The following RIMBP2 variants were observed in gnomAD, a reference collection of about 807,000 sequenced individuals.
RIMBP2 encodes the protein RIMS binding protein 2, also known as RIMS-binding protein 2.
Under a neutral mutation model 118.6 loss-of-function variants are expected in RIMBP2, and 48 were observed. The ratio of observed to expected loss-of-function variants is 0.40; its 90% CI spans 0.32 to 0.51. RIMBP2 has a LOEUF of 0.51. RIMBP2 is among the 20% of genes least tolerant of loss of function. The pLI, the probability that RIMBP2 is intolerant of heterozygous loss-of-function variation, is 0.41. For synonymous variants in RIMBP2, 762 were observed against 742.9 expected, an observed-to-expected ratio of 1.03 and a Z score of -0.42; for missense variants, 1,551 against 1,768.3, an observed-to-expected ratio of 0.88 and a Z score of 2.20.
chr12:130,406,934 C>T (rs2075234220), intron 20 of RIMBP2, among the ~76,000 whole-genome samples: 1 of 152,242 alleles, frequency 6.6e-6, no homozygotes, highest in African/African-American at 2.4e-5. Flanking sequence ...AGCCACCGCA[C>T]CCAGCCTAAA....
At chr12:130,659,926 A>ATCT (rs2063582228) in intron 1 of RIMBP2, 1 of 150,544 alleles carries the variant, frequency 6.6e-6, no homozygotes, top group African/African-American at 2.4e-5. Context: ...GTGAGCTGAG[A>ATCT]TCTTGTCACT....
At chr12:130,663,885 A>G (rs925886275) in intron 1 of RIMBP2, among the ~76,000 whole-genome samples, 1 of 151,736 alleles carries the variant, frequency 6.6e-6, no homozygotes, top group Non-Finnish European at 1.5e-5. Context: ...ATTGTGAAAT[A>G]CCAGAAACAG....
At chr12:130,616,421 G>A (rs1043574525) in intron 2 of RIMBP2, among the ~76,000 whole-genome samples, 6 of 152,070 alleles carry the variant, frequency 3.9e-5, no homozygotes, top group Non-Finnish European at 5.9e-5. Flanking sequence ...CTCCTGGCTC[G>A]GGCCAGTGCG....
chr12:130,533,705 A>G (rs1032620966), intron 2 of RIMBP2, among the ~76,000 whole-genome samples: 16 of 152,348 alleles, frequency 1.1e-4, no homozygotes, highest in African/African-American at 3.6e-4. Context: ...TGGTATACAT[A>G]CACCATGAAA....
At chr12:130,470,781 C>A (rs898489992) in intron 5 of RIMBP2, 38 bp from the exon 6 acceptor site, 6 of 1,180,010 alleles carry the variant, frequency 5.1e-6, no homozygotes, top group African/African-American at 4.7e-5. Context: ...AGTAAATGTC[C>A]AAAGGGGAAA....
intron 1 of RIMBP2, among the ~76,000 whole-genome samples, chr12:130,669,840 A>G (rs185187413): frequency 6.6e-6 from 1 of 152,264 alleles, no homozygotes; most frequent in African/African-American, 2.4e-5. Context: ...AAAACCACCC[A>G]AGAAGTAACA....
rs1244010206 is a variant in RIMBP2, at chr12:130,539,048, A to T, written c.-216-21131T>A. On this transcript the variant is annotated intron_variant, in intron 2 of 22. Transcript: ENST00000690449. Reference sequence around the variant, plus strand: ...TGGCTTTCTAGACCACGCTTCAGAAAATATGGCCTGCAGGCCACATCCAGC... The same window carrying T: ...TGGCTTTCTAGACCACGCTTCAGAATATATGGCCTGCAGGCCACATCCAGC... 2.0e-5 allele frequency among the ~76,000 whole-genome samples: 3 copies of T among 152,230 alleles called. No individual in the cohort carries two copies. The East Asian group carries it at 5.8e-4, about 29-fold the overall frequency.
At chr12:130,527,046 G>A (rs1022468084) in intron 2 of RIMBP2, among the ~76,000 whole-genome samples, 11 of 151,328 alleles carry the variant, frequency 7.3e-5, no homozygotes, top group African/African-American at 1.9e-4. Flanking sequence ...CCCTACTCCC[G>A]CCCGCCCCTT....
At chr12:130,502,066 C>A (rs993786685) in intron 4 of RIMBP2, among the ~76,000 whole-genome samples, 2 of 152,200 alleles carry the variant, frequency 1.3e-5, no homozygotes, top group Admixed American at 6.5e-5. Context: ...CACGGCCCAA[C>A]TGTACCCTGG....
At chr12:130,535,718 CAT>C (rs1305382717) in intron 2 of RIMBP2, among the ~76,000 whole-genome samples, 3 of 87,880 alleles carry the variant, frequency 3.4e-5, no homozygotes, top group Admixed American at 2.5e-4. Context: ...TATACATATA[CAT>C]ATATATACAT....
Position 130,424,989 on chromosome 12 carries a change from T to A in RIMBP2, c.2413-131A>T. The A allele has an allele frequency of 2.3e-6, 1 of 443,128 alleles. No individual in the cohort carries two copies. Among genetic ancestry groups the A allele is most frequent in the Non-Finnish European group, 3.6e-6 (1 of 275,106 alleles). 27.4% of individuals were successfully genotyped at this position (443,128 alleles called of 1,614,324 possible). On this transcript the variant is annotated intron_variant, in intron 15 of 22. Coordinates refer to ENST00000690449, the MANE Select transcript of RIMBP2 (RefSeq NM_001393629.1). The surrounding 1 kb of genome is among the most constrained non-coding windows in gnomAD (Gnocchi z 9.8). Reference sequence around the variant, plus strand: ...CACCGAGGGGGGGGAAGCATGCGTCTACTCAGGCCGGGGGCATGCCGTGGA... The same window carrying A: ...CACCGAGGGGGGGGAAGCATGCGTCAACTCAGGCCGGGGGCATGCCGTGGA...
intron 1 of RIMBP2, among the ~76,000 whole-genome samples, chr12:130,715,221 C>T (rs932753484): frequency 1.3e-5 from 2 of 152,242 alleles, no homozygotes; most frequent in Admixed American, 1.3e-4. Context: ...TGGGGCTGGA[C>T]AGGGTCCCCT....
At chr12:130,700,977 C>A (rs1298543462) in intron 1 of RIMBP2, among the ~76,000 whole-genome samples, 2 of 152,204 alleles carry the variant, frequency 1.3e-5, no homozygotes, top group Non-Finnish European at 1.5e-5. Context: ...GGTGTGTGTG[C>A]CACATGTAAC....
intron 2 of RIMBP2, among the ~76,000 whole-genome samples, chr12:130,613,227 G>A (rs778323489): frequency 1.1e-4 from 16 of 152,196 alleles, no homozygotes; most frequent in Non-Finnish European, 2.1e-4. Flanking sequence ...GCGGGTTGCC[G>A]GGGCCAACAA....
intron 1 of RIMBP2, among the ~76,000 whole-genome samples, chr12:130,657,577 G>T (rs574399427): frequency 6.6e-6 from 1 of 152,208 alleles, no homozygotes; most frequent in African/African-American, 2.4e-5. Flanking sequence ...GGCATCCACC[G>T]GCACCTCCGT....
intron 2 of RIMBP2, among the ~76,000 whole-genome samples, chr12:130,548,874 G>A (rs1047987488): frequency 4.6e-5 from 7 of 152,018 alleles, no homozygotes; most frequent in African/African-American, 9.6e-5. Flanking sequence ...GGCATGAGCC[G>A]CCGTGCCCAG....
chr12:130,622,779 A>G lies in RIMBP2; in HGVS notation c.-217+5543T>C, dbSNP rs2140859053. Reference sequence around the variant, plus strand: ...GTTGGCAGATTTAGGCAATGCCTCCACTAGGCTGATAGTCGCAAAATTCTC... The same window carrying G: ...GTTGGCAGATTTAGGCAATGCCTCCGCTAGGCTGATAGTCGCAAAATTCTC... On this transcript the variant is annotated intron_variant, in intron 2 of 22. Transcript: ENST00000690449. The surrounding 1 kb of genome is among the most constrained non-coding windows in gnomAD (Gnocchi z 8.5). Among the ~76,000 whole-genome samples the G allele has an allele frequency of 6.6e-6, 1 of 152,310 alleles. No individual in the cohort carries two copies. The highest frequency in any genetic ancestry group is 1.9e-4 in the East Asian group (1 of 5,186).
chr12:130,593,090 G>C (rs1195584578), intron 2 of RIMBP2, among the ~76,000 whole-genome samples: 1 of 152,126 alleles, frequency 6.6e-6, no homozygotes, highest in African/African-American at 2.4e-5. Flanking sequence ...GCTCTTCCCG[G>C]GCCCATTCCC....
In RIMBP2 at chr12:130,424,688, C is replaced by T. The variant is rs540401653; in HGVS notation, c.2583G>A (p.Thr861=). Residue 861 remains threonine, a synonymous_variant, in exon 16 of 23, where the codon ACG becomes ACA. Transcript: ENST00000690449. The surrounding 1 kb of genome is among the most constrained non-coding windows in gnomAD (Gnocchi z 9.8). ...CGGGCCTGGGCTCTCTGGCCAGCCCCGTCCTGGCCCTGGGGGACGGCCCTG... is the reference window on the plus strand; with the variant it reads ...CGGGCCTGGGCTCTCTGGCCAGCCCTGTCCTGGCCCTGGGGGACGGCCCTG... ...QGAGPSPRAR[T]GLAREPRPGR... is the part of the protein sequence containing the mutation. 4.6e-5 allele frequency: 57 copies of T among 1,231,952 alleles called. No homozygotes were observed. The African/African-American group carries it at 6.4e-4, about 14-fold the overall frequency. The allele number at this position is 1,231,952 out of a possible 1,614,324, so 76.3% of individuals were successfully genotyped here.
Sources: allele counts gnomAD v4.1 joint callset (sites outside exome capture counted in the v4.1 genomes callset), GRCh38; gene constraint gnomAD v4.1.1; non-coding constraint Gnocchi (gnomAD v3.1); transcripts MANE v1.5; gene names NCBI Gene and HGNC (gene_info 2026-07-23, HGNC 2026-07-21).